LCLAT1: variants seen among roughly 807,000 people sequenced by gnomAD.
LCLAT1 encodes lysocardiolipin acyltransferase 1.
Under a neutral mutation model 30.7 loss-of-function variants are expected in LCLAT1, and 11 were observed. The observed-to-expected ratio is 0.36, with a 90% confidence interval of 0.23 to 0.59. LCLAT1 has a LOEUF of 0.59. LCLAT1 is among the 20% of genes least tolerant of loss of function. The pLI is 0.77. For missense variants in LCLAT1, 402 were observed against 458.6 expected (o/e 0.88, Z 1.13); for synonymous variants, 155 against 151.3 (o/e 1.02, Z -0.18).
chr2:30,636,392 G>A (rs1669026751), intron 5 of LCLAT1, among the ~76,000 whole-genome samples: 1 of 152,142 alleles, frequency 6.6e-6, no homozygotes, highest in South Asian at 2.1e-4. Flanking sequence ...GAGAAAAAGG[G>A]TACAGCCTAG....
At chr2:30,632,235 C>A (rs770876808) in intron 5 of LCLAT1, among the ~76,000 whole-genome samples, 1 of 152,148 alleles carries the variant, frequency 6.6e-6, no homozygotes, top group African/African-American at 2.4e-5. Context: ...CAAAATGGTT[C>A]TTATTTAGAA....
chr2:30,507,358 G>A (rs893063699), intron 1 of LCLAT1, among the ~76,000 whole-genome samples: 1 of 152,118 alleles, frequency 6.6e-6, no homozygotes, highest in African/African-American at 2.4e-5. Context: ...AGGTTTACAT[G>A]TGCAAGTTTG....
chr2:30,582,605 T>A (rs1666254620), intron 5 of LCLAT1, among the ~76,000 whole-genome samples: 1 of 152,264 alleles, frequency 6.6e-6, no homozygotes, highest in Admixed American at 6.5e-5. Context: ...AATGCCATAA[T>A]GTATCATAAG....
intron 1 of LCLAT1, among the ~76,000 whole-genome samples, chr2:30,494,218 G>A (rs1265408106): frequency 6.6e-6 from 1 of 152,030 alleles, no homozygotes; most frequent in Non-Finnish European, 1.5e-5. Flanking sequence ...GTGAGACCCT[G>A]TCTTAAAACC....
chr2:30,463,940 A>G (rs1365691721), intron 1 of LCLAT1, among the ~76,000 whole-genome samples: 3 of 152,184 alleles, frequency 2.0e-5, no homozygotes, highest in Non-Finnish European at 2.9e-5. Flanking sequence ...GAGCATTTTT[A>G]TCTTTTCTTA....
At chr2:30,465,498 A>G (rs1464696203) in intron 1 of LCLAT1, among the ~76,000 whole-genome samples, 2 of 152,192 alleles carry the variant, frequency 1.3e-5, no homozygotes, top group Non-Finnish European at 2.9e-5. Flanking sequence ...GCGATAGGAA[A>G]CTACTGTACA....
chr2:30,583,487 C>T (rs576160105), intron 5 of LCLAT1, among the ~76,000 whole-genome samples: 1 of 152,284 alleles, frequency 6.6e-6, no homozygotes, highest in Admixed American at 6.5e-5. Flanking sequence ...AGTCCATCCA[C>T]TTGTAAACAG....
intron 5 of LCLAT1, among the ~76,000 whole-genome samples, chr2:30,634,051 A>G (rs1668900834): frequency 6.6e-6 from 1 of 152,230 alleles, no homozygotes; most frequent in Non-Finnish European, 1.5e-5. Context: ...AAATTCAGTT[A>G]TAGCCTGTAA....
chr2:30,458,328 G>A (rs764081628), intron 1 of LCLAT1, among the ~76,000 whole-genome samples: 1 of 152,206 alleles, frequency 6.6e-6, no homozygotes, highest in Non-Finnish European at 1.5e-5. Context: ...GGCTGGAAGT[G>A]TGCTATGATC....
intron 2 of LCLAT1, among the ~76,000 whole-genome samples, 193 bp downstream of exon 2, chr2:30,525,948 T>A (rs376608205): frequency 5.9e-5 from 9 of 152,212 alleles, no homozygotes; most frequent in African/African-American, 2.2e-4. Flanking sequence ...TAAATAGTTG[T>A]TATTGTTAGG....
intron 1 of LCLAT1, among the ~76,000 whole-genome samples, chr2:30,501,633 C>A (rs1684396341): frequency 6.6e-6 from 1 of 151,790 alleles, no homozygotes; most frequent in African/African-American, 2.4e-5. Flanking sequence ...CGAGATCATA[C>A]CACTGCCCTC....
chr2:30,504,712 C>G (rs1417854994), intron 1 of LCLAT1, among the ~76,000 whole-genome samples: 1 of 152,146 alleles, frequency 6.6e-6, no homozygotes, highest in Non-Finnish European at 1.5e-5. Context: ...CCTTTTCTCT[C>G]TCCCTTCTTT....
At chr2:30,503,179 T>C (rs1230303170) in intron 1 of LCLAT1, among the ~76,000 whole-genome samples, 1 of 152,184 alleles carries the variant, frequency 6.6e-6, no homozygotes, top group African/African-American at 2.4e-5. Context: ...GGTGGGAGTG[T>C]CTTATGCTAA....
chr2:30,561,035 G>A (rs928132656), intron 3 of LCLAT1, among the ~76,000 whole-genome samples: 19 of 151,890 alleles, frequency 1.3e-4, no homozygotes, highest in Admixed American at 2.6e-4. Context: ...TCTGCCCCCC[G>A]GGTTCAAGCG....
chr2:30,635,785 A>G (rs898950596), intron 5 of LCLAT1, among the ~76,000 whole-genome samples: 2 of 152,258 alleles, frequency 1.3e-5, no homozygotes, highest in African/African-American at 2.4e-5. Flanking sequence ...CTCACTGTAC[A>G]TTAGTTCACC....
chr2:30,459,598 T>C, intron 1 of LCLAT1: 1 of 1,570,824 alleles, frequency 6.4e-7, no homozygotes, highest in Non-Finnish European at 8.8e-7. Context: ...TGGCAACAAA[T>C]GGATGATGTG....
At chr2:30,600,916 G>A (rs1667151358) in intron 5 of LCLAT1, among the ~76,000 whole-genome samples, 1 of 152,074 alleles carries the variant, frequency 6.6e-6, no homozygotes, top group African/African-American at 2.4e-5. Context: ...TCTTTCAGGT[G>A]TCTTAGTCAG....
intron 1 of LCLAT1, among the ~76,000 whole-genome samples, chr2:30,455,293 A>C (rs1572464499): frequency 6.6e-6 from 1 of 152,184 alleles, no homozygotes; most frequent in Non-Finnish European, 1.5e-5. Context: ...ATACATATTT[A>C]CTTGGAGATG....
rs1206536479 is a variant in LCLAT1, at chr2:30,615,773, CTG to C, written c.629-24341_629-24340del. ...CTAGTTTGGCTTATGCACTTTGAGT[CTG>C]TGGTAAGGAATTTATCTGGGAAAGG... is the stretch of plus-strand genomic sequence containing the variant. On this transcript the variant is annotated intron_variant, in intron 5 of 5. Transcript: ENST00000379509. Among the ~76,000 whole-genome samples, 7 of 152,218 alleles carry C rather than the reference CTG, an allele frequency of 4.6e-5. No individual in the cohort carries two copies. In the South Asian group the frequency reaches 1.5e-3, roughly 32 times the overall value.
Sources: allele counts gnomAD v4.1 joint callset (sites outside exome capture counted in the v4.1 genomes callset), GRCh38; gene constraint gnomAD v4.1.1; transcripts MANE v1.5; gene names NCBI Gene and HGNC (gene_info 2026-07-23, HGNC 2026-07-21).